The following TAS2R1 variants were observed in gnomAD, a reference collection of about 807,000 sequenced individuals.
TAS2R1 encodes taste receptor type 2 member 1.
For missense variants in TAS2R1, 370 were observed against 353.4 expected (o/e 1.05, Z -0.38); for synonymous variants, 141 against 134.2 (o/e 1.05, Z -0.35).
At chr5:9,730,079 C>T in the TAS2R1 span, among the ~76,000 whole-genome samples, 3 of 152,220 alleles carry the variant, frequency 2.0e-5, no homozygotes, top group African/African-American at 7.2e-5. Flanking sequence ...CTGTACAACA[C>T]ACCAACATAA....
chr5:9,727,878 C>T, the TAS2R1 span, among the ~76,000 whole-genome samples: 1 of 152,196 alleles, frequency 6.6e-6, no homozygotes, highest in Non-Finnish European at 1.5e-5. Context: ...CACTTAGCCT[C>T]ATGGGGTTGC....
At chr5:9,642,919 A>G (rs1356061350) in intron 2 of TAS2R1, among the ~76,000 whole-genome samples, 1 of 151,814 alleles carries the variant, frequency 6.6e-6, no homozygotes, top group Non-Finnish European at 1.5e-5. Context: ...TGGAATTTCA[A>G]ATCCTTCCTT....
At chr5:9,691,143 T>C (rs890372806) in intron 1 of TAS2R1, among the ~76,000 whole-genome samples, 4 of 152,176 alleles carry the variant, frequency 2.6e-5, no homozygotes, top group African/African-American at 4.8e-5. Context: ...TCATCCTGGA[T>C]TATGCTGGGG....
the TAS2R1 span, among the ~76,000 whole-genome samples, chr5:9,873,425 A>C: frequency 7.5e-6 from 1 of 132,534 alleles, no homozygotes. Flanking sequence ...TTTTTTTTTA[A>C]CCTCTTCTCG....
At chr5:9,828,504 C>G in the TAS2R1 span, among the ~76,000 whole-genome samples, 1 of 152,108 alleles carries the variant, frequency 6.6e-6, no homozygotes, top group Non-Finnish European at 1.5e-5. Context: ...TTCCAAAGTA[C>G]CAAGTATATG....
chr5:9,639,660 C>CTT (rs1247259091), intron 2 of TAS2R1, among the ~76,000 whole-genome samples: 1 of 152,172 alleles, frequency 6.6e-6, no homozygotes, highest in Non-Finnish European at 1.5e-5. Flanking sequence ...GATCTCCAAC[C>CTT]TTAGCTAAAT....
At chr5:9,760,472 C>T in the TAS2R1 span, among the ~76,000 whole-genome samples, 1 of 152,104 alleles carries the variant, frequency 6.6e-6, no homozygotes, top group Admixed American at 6.6e-5. Context: ...AAAATACAAC[C>T]AAGTGTAAGA....
chr5:9,864,456 C>T, the TAS2R1 span, among the ~76,000 whole-genome samples: 2 of 151,188 alleles, frequency 1.3e-5, no homozygotes, highest in East Asian at 2.0e-4. Flanking sequence ...GGTGAAACAC[C>T]ATCTCTCTCA....
chr5:9,848,114 C>T, the TAS2R1 span, among the ~76,000 whole-genome samples: 1 of 152,156 alleles, frequency 6.6e-6, no homozygotes, highest in Admixed American at 6.5e-5. Context: ...TTCTTAAGTC[C>T]CAAATTAGTA....
the TAS2R1 span, among the ~76,000 whole-genome samples, chr5:9,790,108 G>A: frequency 6.6e-6 from 1 of 152,180 alleles, no homozygotes; most frequent in East Asian, 1.9e-4. Context: ...AATGCACAAA[G>A]GACAGGCCCT....
chr5:9,689,458 G>A (rs1449831729), intron 1 of TAS2R1, among the ~76,000 whole-genome samples: 3 of 152,120 alleles, frequency 2.0e-5, no homozygotes, highest in South Asian at 2.1e-4. Flanking sequence ...ATGCTGATTC[G>A]TGCTCGGGAT....
chr5:9,688,797 A>G (rs1238294205), intron 1 of TAS2R1, among the ~76,000 whole-genome samples: 2 of 151,930 alleles, frequency 1.3e-5, no homozygotes, highest in African/African-American at 4.8e-5. Flanking sequence ...GCTTCCCCCA[A>G]TCCCAGAAGC....
the TAS2R1 span, among the ~76,000 whole-genome samples, chr5:9,780,525 C>A: frequency 6.6e-6 from 1 of 152,216 alleles, no homozygotes; most frequent in African/African-American, 2.4e-5. Context: ...TCCATCTCCA[C>A]GTCTTTCTGC....
chr5:9,836,716 T>A, the TAS2R1 span, among the ~76,000 whole-genome samples: 1 of 152,198 alleles, frequency 6.6e-6, no homozygotes, highest in Non-Finnish European at 1.5e-5. Context: ...AACCGTTCCA[T>A]AAAGCAAATA....
the TAS2R1 span, among the ~76,000 whole-genome samples, chr5:9,878,301 T>C: frequency 6.6e-6 from 1 of 152,204 alleles, no homozygotes; most frequent in Non-Finnish European, 1.5e-5. Flanking sequence ...GTATTTCCTT[T>C]TAGATTCTCC....
At chr5:9,793,444 G>A in the TAS2R1 span, among the ~76,000 whole-genome samples, 1 of 152,270 alleles carries the variant, frequency 6.6e-6, no homozygotes, top group East Asian at 1.9e-4. Flanking sequence ...CACTATAGAG[G>A]AAACCAAATA....
chr5:9,635,487 TTCTC>T (rs1268062469), intron 2 of TAS2R1, among the ~76,000 whole-genome samples: 1 of 152,116 alleles, frequency 6.6e-6, no homozygotes, highest in African/African-American at 2.4e-5. Context: ...GATTCCCTCT[TTCTC>T]TATCTTTTGG....
the TAS2R1 span, among the ~76,000 whole-genome samples, chr5:9,730,115 A>C: frequency 6.6e-6 from 1 of 152,242 alleles, no homozygotes; most frequent in Non-Finnish European, 1.5e-5. Context: ...TGGTGATTGC[A>C]TTCTTATGCA....
chr5:9,656,088 A>G (rs1244741843), intron 2 of TAS2R1, among the ~76,000 whole-genome samples: 1 of 152,106 alleles, frequency 6.6e-6, no homozygotes, highest in Non-Finnish European at 1.5e-5. Flanking sequence ...GTTTTCCTAC[A>G]ATCCCCACAA....
Sources: gnomAD v4.1 joint callset for allele counts (sites outside exome capture counted in the v4.1 genomes callset) on GRCh38, gnomAD v4.1.1 for gene constraint, MANE v1.5 for transcripts, NCBI Gene and HGNC (gene_info 2026-07-23, HGNC 2026-07-21) for gene names.